ZFX: variants seen among roughly 807,000 people sequenced by gnomAD.
ZFX encodes the protein zinc finger protein X-linked, also known as zinc finger X-chromosomal protein.
For synonymous variants in ZFX, 196 were observed against 226.8 expected (o/e 0.86, Z 1.22); for missense variants, 362 against 628.3 (o/e 0.58, Z 4.53).
intron 3 of ZFX, among the ~76,000 whole-genome samples, chrX:24,168,529 T>C (rs926438192): frequency 5.3e-4 from 59 of 111,187 alleles, no homozygotes; most frequent in African/African-American, 1.8e-3. Flanking sequence ...TAACTTTTAT[T>C]GCTTTATTAT....
chrX:24,171,905 G>GGAGAGAGAGA (rs1213136127), intron 3 of ZFX, among the ~76,000 whole-genome samples: 4 of 41,899 alleles, frequency 9.5e-5, no homozygotes, highest in Non-Finnish European at 1.9e-4. Context: ...AGAGAGAGAA[G>GGAGAGAGAGA]GAGAGAGAGA....
intron 5 of ZFX, among the ~76,000 whole-genome samples, chrX:24,206,500 CGTGT>C (rs774457469): frequency 0.18 from 10,506 of 59,409 alleles, 827 homozygotes; most frequent in Non-Finnish European, 0.19. Context: ...CCATGCCTGG[CGTGT>C]GTGTGTGTGT....
intron 3 of ZFX, among the ~76,000 whole-genome samples, chrX:24,166,592 CTAT>C (rs1452614009): frequency 9.0e-6 from 1 of 111,413 alleles, no homozygotes; most frequent in East Asian, 2.8e-4. Flanking sequence ...CCTTCCACTA[CTAT>C]TGATTTTTTT....
At chrX:24,150,342 C>T (rs1344169835) in intron 1 of ZFX, among the ~76,000 whole-genome samples, 2 of 109,609 alleles carry the variant, frequency 1.8e-5, no homozygotes, top group African/African-American at 3.3e-5. Flanking sequence ...CGGGCGGCGG[C>T]GGCAGCGGCG....
intron 5 of ZFX, among the ~76,000 whole-genome samples, chrX:24,187,513 T>C (rs1245768765): frequency 9.0e-6 from 1 of 111,631 alleles, no homozygotes; most frequent in Non-Finnish European, 1.9e-5. Flanking sequence ...GTTGGGAGGG[T>C]TTAAGCATTT....
intron 1 of ZFX, among the ~76,000 whole-genome samples, chrX:24,150,971 TA>T (rs1415492681): frequency 1.8e-5 from 2 of 112,400 alleles, no homozygotes; most frequent in Non-Finnish European, 3.8e-5. Flanking sequence ...CTGTTGGTGG[TA>T]TTTTTTTAAA....
chrX:24,177,941 A>G (rs1935296158), intron 4 of ZFX: 3 of 545,797 alleles, frequency 5.5e-6, no homozygotes, highest in Non-Finnish European at 6.7e-6. Context: ...TTTTTTTTTA[A>G]GAGACTTAGA....
chrX:24,153,139 ATCT>A (rs1474760393), intron 3 of ZFX, among the ~76,000 whole-genome samples: 2 of 111,980 alleles, frequency 1.8e-5, no homozygotes, highest in Non-Finnish European at 3.8e-5. Flanking sequence ...GTCACTGATA[ATCT>A]TCTTTGTATT....
intron 3 of ZFX, among the ~76,000 whole-genome samples, chrX:24,171,888 C>T (rs1934633414): frequency 1.1e-5 from 1 of 95,069 alleles, no homozygotes; most frequent in South Asian, 6.2e-4. Flanking sequence ...GTTCCAGCCA[C>T]CAGGACAGAG....
intron 5 of ZFX, among the ~76,000 whole-genome samples, chrX:24,180,961 T>G (rs1475096255): frequency 8.9e-6 from 1 of 112,294 alleles, no homozygotes; most frequent in East Asian, 2.8e-4. Flanking sequence ...GAGATAAAAT[T>G]CTAGATTGGC....
intron 4 of ZFX, chrX:24,173,558 T>C: frequency 1.8e-6 from 2 of 1,133,059 alleles, no homozygotes; most frequent in Non-Finnish European, 2.3e-6. Flanking sequence ...TATAATTATA[T>C]AACGTTGTAA....
At chrX:24,175,517 C>A (rs1935041614) in intron 4 of ZFX, 1 of 111,497 alleles carries the variant, frequency 9.0e-6, no homozygotes, top group Non-Finnish European at 1.9e-5. Context: ...ATGACTTGCC[C>A]AAGGTCACAA....
At chrX:24,182,588 G>A (rs1336207795) in intron 5 of ZFX, among the ~76,000 whole-genome samples, 1 of 111,705 alleles carries the variant, frequency 9.0e-6, no homozygotes, top group African/African-American at 3.2e-5. Flanking sequence ...ATGGGCTATT[G>A]GAGAGGAGAT....
chrX:24,183,851 T>C (rs1227296335), intron 5 of ZFX, among the ~76,000 whole-genome samples: 3 of 106,649 alleles, frequency 2.8e-5, no homozygotes, highest in Non-Finnish European at 5.8e-5. Flanking sequence ...ACCCCCTGGG[T>C]TCAAGTGATT....
At position 24,210,322 on chromosome X, in the gene ZFX, A is replaced by G. The variant is rs775044184; in HGVS notation, c.1364A>G (p.Lys455Arg). ...CATCCCGAACACCTTGCCAAGAAGA[A>G]ATACCGCTGTACTGACTGTGATTAC... The part of the protein sequence containing the change: ...KNHPEHLAKK[K>R]YRCTDCDYTT... The change falls in exon 10 of 10, where the codon AAA becomes AGA. Residue 455 changes from lysine (K) to arginine (R), a missense_variant. By Grantham distance (26) the Lys-to-Arg change is conservative. Coordinates refer to ENST00000304543, the MANE Select transcript of ZFX (RefSeq NM_003410.4). 8.3e-7 allele frequency: 1 copy of G among 1,211,892 alleles called. No homozygotes were observed.
rs1484628585 is a variant in ZFX at position 24,212,586 on chromosome X, G to A, written c.*1210G>A. 8.9e-6 allele frequency: 1 copy of A among 112,304 alleles called. No individual in the cohort carries two copies. The highest frequency in any genetic ancestry group is 1.9e-5 in the Non-Finnish European group (1 of 53,194). 9.3% of individuals were successfully genotyped at this position (112,304 alleles called of 1,213,427 possible). ...TTATGTTTTTCTGAAAAGCAAATGAGTATCCAGACATGACTCCCACAGTTC... is the reference window on the plus strand; with the variant it reads ...TTATGTTTTTCTGAAAAGCAAATGAATATCCAGACATGACTCCCACAGTTC... On this transcript the variant is annotated 3_prime_UTR_variant, in exon 10 of 10. Coordinates refer to ENST00000304543, the MANE Select transcript of ZFX (RefSeq NM_003410.4).
rs1480123792 is a variant in ZFX at position 24,173,621 on chromosome X, T to C, written c.58+821T>C. 4.5e-6 allele frequency: 5 copies of C among 1,105,667 alleles called. No individual in the cohort carries two copies. The East Asian group carries it at 1.6e-4, about 36-fold the overall frequency. 91.1% of individuals were successfully genotyped at this position (1,105,667 alleles called of 1,213,427 possible). ...TTTGTTTTCAGACAGGGTCTCGTTC[T>C]GTCACCCAGGCTGGAGCACAGTGGC... On this transcript the variant is annotated intron_variant, in intron 4 of 9. Transcript: ENST00000304543.
intron 5 of ZFX, among the ~76,000 whole-genome samples, chrX:24,190,868 GCTTC>G (rs1936482644): frequency 8.9e-6 from 1 of 112,041 alleles, no homozygotes; most frequent in Admixed American, 9.5e-5. Flanking sequence ...TTTTGTTTTA[GCTTC>G]CTTATTTGTG....
chrX:24,188,918 A>G (rs1936342044), intron 5 of ZFX, among the ~76,000 whole-genome samples: 1 of 111,138 alleles, frequency 9.0e-6, no homozygotes, highest in Non-Finnish European at 1.9e-5. Context: ...GCTCACTGCA[A>G]GCTCCGCCTC....
Sources: allele counts gnomAD v4.1 joint callset (sites outside exome capture counted in the v4.1 genomes callset), GRCh38; gene constraint gnomAD v4.1.1; transcripts MANE v1.5; gene names NCBI Gene and HGNC (gene_info 2026-07-23, HGNC 2026-07-21).